Variants in MRPL48 observed in about 807,000 individuals in gnomAD.
MRPL48 encodes the protein large ribosomal subunit protein mL48.
In MRPL48, 16 loss-of-function variants were observed where a neutral mutation model predicts 32.9. The ratio of observed to expected loss-of-function variants is 0.49; its 90% CI spans 0.33 to 0.74. The LOEUF is 0.74. MRPL48 is among the 30% of genes least tolerant of loss of function. MRPL48 has a pLI of 0.02. For missense variants in MRPL48, 206 were observed against 245.3 expected (o/e 0.84, Z 1.07); for synonymous variants, 94 against 89.2 (o/e 1.05, Z -0.31).
chr11:73,802,116 G>A (rs971805043), intron 1 of MRPL48: 6 of 152,128 alleles, frequency 3.9e-5, no homozygotes, highest in South Asian at 2.1e-4. Flanking sequence ...CCTCAGCAAC[G>A]TCTGTAACTC....
chr11:73,855,214 C>T (rs2135078405), intron 5 of MRPL48, among the ~76,000 whole-genome samples: 1 of 152,050 alleles, frequency 6.6e-6, no homozygotes, highest in South Asian at 2.1e-4. Flanking sequence ...GTTCTCCACA[C>T]AGCATTTATG....
At chr11:73,808,719 C>T (rs923219975) in intron 3 of MRPL48, among the ~76,000 whole-genome samples, 28 of 151,712 alleles carry the variant, frequency 1.8e-4, no homozygotes, top group African/African-American at 5.8e-4. Flanking sequence ...GTCAGGAGTT[C>T]GAGACCAGCC....
intron 5 of MRPL48, among the ~76,000 whole-genome samples, chr11:73,857,315 A>G (rs1463608934): frequency 6.6e-6 from 1 of 151,934 alleles, no homozygotes; most frequent in Non-Finnish European, 1.5e-5. Flanking sequence ...TATTTTTAGT[A>G]GAGACAGGTT....
intron 5 of MRPL48, among the ~76,000 whole-genome samples, chr11:73,852,947 C>A (rs971526773): frequency 6.6e-6 from 1 of 152,164 alleles, no homozygotes; most frequent in East Asian, 1.9e-4. Context: ...TTTGCAACAA[C>A]ATAGATGGAA....
In MRPL48 at chr11:73,793,123, T is replaced by C. The variant is rs1438360148; in HGVS notation, c.21+5131T>C. 1.3e-5 allele frequency among the ~76,000 whole-genome samples: 2 copies of C among 152,274 alleles called. 1 individual carries two copies. Among genetic ancestry groups the C allele is most frequent in the South Asian group, 4.1e-4 (2 of 4,822 alleles). On this transcript the variant is annotated intron_variant, in intron 1 of 7. Coordinates refer to ENST00000310614, the MANE Select transcript of MRPL48 (RefSeq NM_016055.6). ...TCTTGTTGCCCAGGCTGGAGTGCAA[T>C]GGTGCGATCTCAGCTCACTACAACC...
chr11:73,856,915 T>C (rs1478771597), intron 5 of MRPL48, among the ~76,000 whole-genome samples: 1 of 151,842 alleles, frequency 6.6e-6, no homozygotes, highest in South Asian at 2.1e-4. Context: ...AATAAAAAAA[T>C]AAAAAAACCC....
intron 3 of MRPL48, among the ~76,000 whole-genome samples, chr11:73,822,036 G>A (rs1218830715): frequency 6.6e-6 from 1 of 152,154 alleles, no homozygotes; most frequent in East Asian, 1.9e-4. Context: ...ACCCATCAAA[G>A]AGATTTGGAT....
intron 3 of MRPL48, among the ~76,000 whole-genome samples, chr11:73,823,663 T>G (rs1459981700): frequency 6.7e-6 from 1 of 149,624 alleles, no homozygotes; most frequent in Non-Finnish European, 1.5e-5. Context: ...TGTTTTTTTT[T>G]TTTTTTTTTT....
chr11:73,849,541 A>G (rs1948354059), intron 5 of MRPL48, among the ~76,000 whole-genome samples: 2 of 152,200 alleles, frequency 1.3e-5, no homozygotes, highest in Non-Finnish European at 2.9e-5. Context: ...TTTGCTTAGC[A>G]TACTGTATTT....
At chr11:73,825,284 A>ATGTGTGTGTGTG (rs66515925) in intron 3 of MRPL48, among the ~76,000 whole-genome samples, 38 of 139,910 alleles carry the variant, frequency 2.7e-4, no homozygotes, top group South Asian at 7.5e-4. Context: ...TTTTTTATAT[A>ATGTGTGTGTGTG]TGTGTGTGTG....
intron 6 of MRPL48, among the ~76,000 whole-genome samples, chr11:73,862,198 G>A (rs1461049634): frequency 2.6e-5 from 4 of 152,174 alleles, no homozygotes; most frequent in East Asian, 1.9e-4. Context: ...CGAGGTGGGC[G>A]GATCACCTGA....
intron 4 of MRPL48, among the ~76,000 whole-genome samples, chr11:73,827,028 A>G (rs991302448): frequency 1.6e-4 from 25 of 151,686 alleles, no homozygotes; most frequent in Admixed American, 1.6e-3. Flanking sequence ...TGCCTGCCTC[A>G]GCCTCCCAAA....
At chr11:73,826,851 A>G (rs559698537) in intron 4 of MRPL48, among the ~76,000 whole-genome samples, 1 of 142,546 alleles carries the variant, frequency 7.0e-6, no homozygotes, top group African/African-American at 2.6e-5. Context: ...ATCTCGGCTC[A>G]CTGCAACCTC....
intron 4 of MRPL48, chr11:73,832,644 G>T (rs1395275431): frequency 1.3e-5 from 2 of 156,944 alleles, no homozygotes. Flanking sequence ...ATCAACCCTG[G>T]CAATCAATGG....
At chr11:73,847,436 A>G (rs1214880074) in intron 5 of MRPL48, among the ~76,000 whole-genome samples, 1 of 150,380 alleles carries the variant, frequency 6.6e-6, no homozygotes, top group Non-Finnish European at 1.5e-5. Context: ...CTATTTTTAG[A>G]TAGCAGTTCC....
chr11:73,855,896 G>T (rs956941071), intron 5 of MRPL48, among the ~76,000 whole-genome samples: 2 of 152,168 alleles, frequency 1.3e-5, no homozygotes, highest in African/African-American at 2.4e-5. Context: ...AGAAGTAAAA[G>T]GTATTTAACT....
chr11:73,791,077 G>A (rs1200172173), intron 1 of MRPL48, among the ~76,000 whole-genome samples: 1 of 151,502 alleles, frequency 6.6e-6, no homozygotes, highest in Admixed American at 6.6e-5. Context: ...GTAGAGACAG[G>A]GTTTTGCCAT....
At chr11:73,858,447 T>G (rs545756491) in intron 5 of MRPL48, among the ~76,000 whole-genome samples, 10 of 152,340 alleles carry the variant, frequency 6.6e-5, no homozygotes, top group African/African-American at 2.4e-4. Flanking sequence ...GAGCCAATAT[T>G]TAACTCCAGG....
rs781330530 is a variant in MRPL48, at chr11:73,795,734, C to T, written c.21+7742C>T. 2.1e-4 allele frequency among the ~76,000 whole-genome samples: 31 copies of T among 150,404 alleles called. 1 individual carries two copies. Among genetic ancestry groups the T allele is most frequent in the Admixed American group, 4.0e-4 (6 of 15,110 alleles). ...TGTTAGCCAGGATGGTCTCGATCTCCTGACCTCGTGATCCACCCGCCTCAG... is the reference window on the plus strand; with the variant it reads ...TGTTAGCCAGGATGGTCTCGATCTCTTGACCTCGTGATCCACCCGCCTCAG... On this transcript the variant is annotated intron_variant, in intron 1 of 7. Transcript: ENST00000310614.
Sources: allele counts gnomAD v4.1 joint callset (sites outside exome capture counted in the v4.1 genomes callset), GRCh38; gene constraint gnomAD v4.1.1; transcripts MANE v1.5; gene names NCBI Gene and HGNC (gene_info 2026-07-23, HGNC 2026-07-21).